ABL1: variants seen among roughly 807,000 people sequenced by gnomAD.
ABL1 encodes the protein ABL proto-oncogene 1, non-receptor tyrosine kinase.
Under a neutral mutation model 94.7 loss-of-function variants are expected in ABL1, and 11 were observed. The observed-to-expected ratio is 0.12, with a 90% CI of 0.07 to 0.19. The LOEUF (loss-of-function observed/expected upper bound fraction) is 0.19. ABL1 is among the 10% of genes least tolerant of loss of function. The pLI, the probability that ABL1 is intolerant of heterozygous loss-of-function variation, is 1.00. For missense variants in ABL1, 1,082 were observed against 1,489.4 expected, an observed-to-expected ratio of 0.73 and a Z score of 4.50; for synonymous variants, 656 against 622.4, an observed-to-expected ratio of 1.05 and a Z score of -0.80.
intron 1 of ABL1, among the ~76,000 whole-genome samples, chr9:130,719,440 A>T (rs1831487962): frequency 6.6e-6 from 1 of 152,134 alleles, no homozygotes; most frequent in South Asian, 2.1e-4. Flanking sequence ...GAGACAGGAG[A>T]GTTGCTTAGA....
At position 130,884,707 on chromosome 9, in the gene ABL1, C is replaced by A. The variant is rs147510280; in HGVS notation, c.2417C>A (p.Pro806Gln). ...TTCAAAGACATCATGGAGTCCAGCC[C>A]GGGCTCCAGCCCGCCCAACCTGACT... ...EVFKDIMESS[P>Q]GSSPPNLTPK... Residue 806 changes from proline to glutamine, a missense_variant, in exon 11 of 11, where the codon CCG becomes CAG. By Grantham distance (76) the Pro-to-Gln change is moderately conservative. Coordinates refer to ENST00000318560, the MANE Select transcript of ABL1 (RefSeq NM_005157.6). This position sits in a 1 kb window ranked among gnomAD's most constrained non-coding sequence, Gnocchi z 5.6. 5.6e-6 allele frequency: 9 copies of A among 1,612,474 alleles called. No individual in the cohort carries two copies. Among genetic ancestry groups the A allele is most frequent in the African/African-American group, 4.0e-5 (3 of 74,928 alleles).
chr9:130,848,269 G>A (rs1210206155), intron 1 of ABL1, among the ~76,000 whole-genome samples: 1 of 151,070 alleles, frequency 6.6e-6, no homozygotes, highest in African/African-American at 2.4e-5. Context: ...GGGAGGCTGA[G>A]GTGAGTAGAT....
chr9:130,848,355 A>AC (rs1302887918), intron 1 of ABL1, among the ~76,000 whole-genome samples: 1 of 149,704 alleles, frequency 6.7e-6, no homozygotes, highest in Non-Finnish European at 1.5e-5. Flanking sequence ...GAAAAAAAAA[A>AC]AAAAAAAAAA....
chr9:130,881,244 C>A (rs1202364226), intron 10 of ABL1, among the ~76,000 whole-genome samples: 1 of 151,974 alleles, frequency 6.6e-6, no homozygotes, highest in Non-Finnish European at 1.5e-5. Context: ...CTACTACAGG[C>A]CAGGCTCTGT....
At chr9:130,816,254 G>A (rs1830284675) in intron 1 of ABL1, among the ~76,000 whole-genome samples, 1 of 152,032 alleles carries the variant, frequency 6.6e-6, no homozygotes, top group Non-Finnish European at 1.5e-5. Flanking sequence ...TTCCTCCGTA[G>A]TTCACTCTTC....
At chr9:130,821,798 G>A (rs1183654699) in intron 1 of ABL1, among the ~76,000 whole-genome samples, 2 of 150,660 alleles carry the variant, frequency 1.3e-5, no homozygotes, top group Non-Finnish European at 3.0e-5. Flanking sequence ...GGGTAGCTGG[G>A]ATTACAGGCA....
chr9:130,885,972 G>A lies in ABL1; in HGVS notation c.*289G>A, dbSNP rs897050950. 7 of 442,318 alleles carry A rather than the reference G, an allele frequency of 1.6e-5. No individual in the cohort carries two copies. The highest frequency in any genetic ancestry group is 1.6e-4 in the Admixed American group (4 of 25,306). 27.4% of individuals were successfully genotyped at this position (442,318 alleles called of 1,614,324 possible). On this transcript the variant is annotated 3_prime_UTR_variant, in exon 11 of 11. Transcript: ENST00000318560. Reference sequence around the variant, plus strand: ...CGGCATGCCAGGACCCGCCAGCCCCGCTCCCACCTAGTGCCCCAGACTGAG... The same window carrying A: ...CGGCATGCCAGGACCCGCCAGCCCCACTCCCACCTAGTGCCCCAGACTGAG...
intron 1 of ABL1, among the ~76,000 whole-genome samples, chr9:130,829,448 G>C (rs1830466830): frequency 6.6e-6 from 1 of 152,012 alleles, no homozygotes; most frequent in Non-Finnish European, 1.5e-5. Context: ...TGTAGTCCGA[G>C]CTACTCGGGA....
At chr9:130,775,045 CTG>C (rs1832295585) in intron 1 of ABL1, among the ~76,000 whole-genome samples, 1 of 152,178 alleles carries the variant, frequency 6.6e-6, no homozygotes, top group African/African-American at 2.4e-5. Flanking sequence ...TACCTGGCCT[CTG>C]TAGTTTGTGA....
At chr9:130,857,927 G>A (rs893717765) in intron 3 of ABL1, among the ~76,000 whole-genome samples, 33 of 152,022 alleles carry the variant, frequency 2.2e-4, no homozygotes, top group African/African-American at 7.7e-4. Context: ...TCTGAGGGAC[G>A]TACTTCAGGA....
Position 130,880,684 on chromosome 9 carries a change from C to G in ABL1, c.1678+20C>G. The G allele has an allele frequency of 1.2e-6, 2 of 1,611,036 alleles. No individual in the cohort carries two copies. The highest frequency in any genetic ancestry group is 1.7e-6 in the Non-Finnish European group (2 of 1,178,872). On this transcript the variant is annotated intron_variant, in intron 10 of 10. Transcript: ENST00000318560. The surrounding 1 kb of genome is among the most constrained non-coding windows in gnomAD (Gnocchi z 4.4). ...AGAGCGGTAAGTCCCCCGCTTCCCCCAACCCCACTGCTCTTCCCTTCCCTG... is the reference window on the plus strand; with the variant it reads ...AGAGCGGTAAGTCCCCCGCTTCCCCGAACCCCACTGCTCTTCCCTTCCCTG...
chr9:130,718,317 C>CAAAAA lies in ABL1; in HGVS notation c.136+3878_136+3882dup, dbSNP rs35188504. On this transcript the variant is annotated intron_variant, in intron 1 of 10. Coordinates refer to the ABL1 transcript ENST00000372348. ...TGGGTAACAGAATGAGACTCTGTCT[C>CAAAAA]AAAAAAAAAAAAAAAAAAAAGAAAC... Among the ~76,000 whole-genome samples, 12 of 73,000 alleles carry CAAAAA rather than the reference C, an allele frequency of 1.6e-4. 1 individual carries two copies. Among genetic ancestry groups the CAAAAA allele is most frequent in the Non-Finnish European group, 1.9e-4 (6 of 32,090 alleles). 47.9% of individuals were successfully genotyped at this position (73,000 alleles called of 152,430 possible). A position where few individuals can be genotyped will look rare whatever the true frequency, so the allele number is the denominator to read the frequency against.
rs1463676729 is a variant in ABL1, at chr9:130,727,965, G to T, written c.136+13510G>T. Among the ~76,000 whole-genome samples, 3 of 151,994 alleles carry T rather than the reference G, an allele frequency of 2.0e-5. No homozygotes were observed. The East Asian group carries it at 5.8e-4, about 29-fold the overall frequency. ...TATTATTGATCTAGGCACACTTCTG[G>T]TAAGACTAATGAAGAAAAAGAAAAG... is the stretch of plus-strand genomic sequence containing the variant. On this transcript the variant is annotated intron_variant, in intron 1 of 10. Transcript: ENST00000372348.
At chr9:130,789,629 T>C (rs568281753) in intron 1 of ABL1, among the ~76,000 whole-genome samples, 1 of 152,268 alleles carries the variant, frequency 6.6e-6, no homozygotes, top group African/African-American at 2.4e-5. Flanking sequence ...ATATTGAATA[T>C]AGACTATAAG....
chr9:130,739,462 TTTA>T (rs1306173325), intron 1 of ABL1, among the ~76,000 whole-genome samples: 1 of 152,112 alleles, frequency 6.6e-6, no homozygotes, highest in African/African-American at 2.4e-5. Context: ...ATTTTTAAGC[TTTA>T]TTATTTATTA....
chr9:130,715,181 C>T (rs919130536), intron 1 of ABL1, among the ~76,000 whole-genome samples: 2 of 152,134 alleles, frequency 1.3e-5, no homozygotes, highest in Non-Finnish European at 2.9e-5. Flanking sequence ...GAATGCTGCC[C>T]GTACATTTTA....
chr9:130,741,017 A>G (rs1831810443), intron 1 of ABL1, among the ~76,000 whole-genome samples: 1 of 152,078 alleles, frequency 6.6e-6, no homozygotes, highest in Non-Finnish European at 1.5e-5. Flanking sequence ...GAGTGACTCC[A>G]TGTTCAGACA....
intron 8 of ABL1, among the ~76,000 whole-genome samples, 156 bp downstream of exon 8, chr9:130,878,723 C>G (rs1831395548): frequency 6.6e-6 from 1 of 152,104 alleles, no homozygotes; most frequent in African/African-American, 2.4e-5. Flanking sequence ...TACCTATTGA[C>G]CTTTATTTAC....
chr9:130,865,995 G>A (rs924010939), intron 4 of ABL1, among the ~76,000 whole-genome samples: 3 of 152,120 alleles, frequency 2.0e-5, no homozygotes, highest in Non-Finnish European at 4.4e-5. Context: ...CAGCTCAGAG[G>A]AAATGCATAC....
Sources: allele counts gnomAD v4.1 joint callset (sites outside exome capture counted in the v4.1 genomes callset), GRCh38; gene constraint gnomAD v4.1.1; non-coding constraint Gnocchi (gnomAD v3.1); transcripts MANE v1.5; gene names NCBI Gene and HGNC (gene_info 2026-07-23, HGNC 2026-07-21).